Variants in NEGR1 observed in about 807,000 individuals in gnomAD.
NEGR1 encodes neuronal growth regulator 1, also known as IgLON family member 4.
In NEGR1, 10 loss-of-function variants were observed where a neutral mutation model predicts 40.9. The ratio of observed to expected loss-of-function variants is 0.24; its 90% CI spans 0.15 to 0.42. NEGR1 has a LOEUF of 0.42. Ranked by LOEUF, NEGR1 falls within the 10% of genes least tolerant of loss-of-function variation. The pLI is 1.00. For synonymous variants in NEGR1, 185 were observed against 166.8 expected, an observed-to-expected ratio of 1.11 and a Z score of -0.84; for missense variants, 352 against 438.9, an observed-to-expected ratio of 0.80 and a Z score of 1.77.
intron 1 of NEGR1, among the ~76,000 whole-genome samples, chr1:72,123,297 T>A (rs1441683193): frequency 6.6e-6 from 1 of 151,852 alleles, no homozygotes; most frequent in African/African-American, 2.4e-5. Flanking sequence ...TAGTAGATAA[T>A]CTTGACATTG....
chr1:72,229,772 A>T (rs1444745775), intron 1 of NEGR1, among the ~76,000 whole-genome samples: 5 of 152,160 alleles, frequency 3.3e-5, no homozygotes, highest in Admixed American at 1.3e-4. Flanking sequence ...CTCTGATTTC[A>T]AAGGTGTTCT....
intron 1 of NEGR1, among the ~76,000 whole-genome samples, chr1:71,993,350 G>T (rs1031647524): frequency 6.6e-6 from 1 of 152,118 alleles, no homozygotes; most frequent in Non-Finnish European, 1.5e-5. Flanking sequence ...ACTTAAGAGC[G>T]CCAACTTTTA....
In NEGR1 at chr1:71,836,673, A is replaced by T. The variant is rs148184551; in HGVS notation, c.410-60376T>A. ...ATTCCTATAAAAAAAACTCACTCTA[A>T]ACAAAATTACACTTATATTTTTGCC... On this transcript the variant is annotated intron_variant, in intron 2 of 6. Transcript: ENST00000357731. Among the ~76,000 whole-genome samples, 27 of 152,078 alleles carry T rather than the reference A, an allele frequency of 1.8e-4. 1 individual carries two copies. In the East Asian group the frequency reaches 5.2e-3, roughly 30 times the overall value.
At chr1:71,549,427 A>C (rs1004140916) in intron 6 of NEGR1, among the ~76,000 whole-genome samples, 2 of 151,716 alleles carry the variant, frequency 1.3e-5, no homozygotes, top group African/African-American at 2.4e-5. Context: ...CCCACGATCA[A>C]AATTGCTCAA....
chr1:71,463,853 C>T (rs558245816), intron 6 of NEGR1, among the ~76,000 whole-genome samples: 64 of 152,206 alleles, frequency 4.2e-4, no homozygotes, highest in African/African-American at 1.5e-3. Context: ...TTGTCTTAAA[C>T]TTCTAGGAAT....
chr1:71,796,689 A>G (rs1470910760), intron 2 of NEGR1, among the ~76,000 whole-genome samples: 1 of 152,168 alleles, frequency 6.6e-6, no homozygotes, highest in Admixed American at 6.5e-5. Flanking sequence ...GCAAATGCCT[A>G]TCATCTACAG....
At chr1:72,274,707 G>A (rs879152055) in intron 1 of NEGR1, 12 of 1,003,134 alleles carry the variant, frequency 1.2e-5, no homozygotes, top group Non-Finnish European at 1.9e-5. Flanking sequence ...AAATCATTGT[G>A]CAGAATGGAA....
chr1:72,212,682 A>T (rs1037787672), intron 1 of NEGR1, among the ~76,000 whole-genome samples: 2 of 152,016 alleles, frequency 1.3e-5, no homozygotes, highest in African/African-American at 4.8e-5. Context: ...CATGGAAACT[A>T]TGTGGAAGAT....
chr1:72,105,546 A>T (rs941385090), intron 1 of NEGR1, among the ~76,000 whole-genome samples: 1 of 151,320 alleles, frequency 6.6e-6, no homozygotes, highest in Non-Finnish European at 1.5e-5. Flanking sequence ...TCTCCACAGT[A>T]AATAAATAAA....
At chr1:71,871,425 C>G (rs979696812) in intron 2 of NEGR1, among the ~76,000 whole-genome samples, 7 of 152,074 alleles carry the variant, frequency 4.6e-5, no homozygotes, top group African/African-American at 1.7e-4. Context: ...TCTTATCACA[C>G]CATTTTAAAT....
At chr1:71,878,782 G>A (rs1019870252) in intron 2 of NEGR1, among the ~76,000 whole-genome samples, 6 of 151,724 alleles carry the variant, frequency 4.0e-5, no homozygotes, top group African/African-American at 1.5e-4. Flanking sequence ...ACTAGTGTGG[G>A]GACAATAAAA....
intron 2 of NEGR1, among the ~76,000 whole-genome samples, chr1:71,786,365 G>A (rs1656908117): frequency 6.6e-6 from 1 of 152,090 alleles, no homozygotes; most frequent in African/African-American, 2.4e-5. Flanking sequence ...AGCCTTGGCT[G>A]GAAATAAATA....
chr1:71,930,785 AAGG>A (rs1185457434), intron 2 of NEGR1, among the ~76,000 whole-genome samples: 1 of 152,144 alleles, frequency 6.6e-6, no homozygotes, highest in Non-Finnish European at 1.5e-5. Flanking sequence ...ACGGAAGAAG[AAGG>A]AGATGGGTTT....
intron 2 of NEGR1, among the ~76,000 whole-genome samples, chr1:71,780,053 A>C (rs1195941482): frequency 9.8e-5 from 2 of 20,314 alleles, no homozygotes; most frequent in Non-Finnish European, 6.2e-4. Flanking sequence ...AAAAAAAAAA[A>C]AAAAAAAAAA....
chr1:71,450,608 A>T (rs1259575105), intron 6 of NEGR1, among the ~76,000 whole-genome samples: 4 of 151,224 alleles, frequency 2.6e-5, no homozygotes, highest in Admixed American at 2.6e-4. Flanking sequence ...GGAGTTTGAG[A>T]CTAACCTGGC....
At chr1:72,238,597 C>T (rs1654637224) in intron 1 of NEGR1, among the ~76,000 whole-genome samples, 1 of 151,800 alleles carries the variant, frequency 6.6e-6, no homozygotes, top group African/African-American at 2.4e-5. Flanking sequence ...GTACCATCCT[C>T]CTGAGGCACC....
chr1:72,089,921 T>C (rs919338722), intron 1 of NEGR1, among the ~76,000 whole-genome samples: 3 of 152,078 alleles, frequency 2.0e-5, no homozygotes, highest in East Asian at 1.9e-4. Flanking sequence ...ATTTCTTAAA[T>C]AGAAAAATGA....
intron 6 of NEGR1, among the ~76,000 whole-genome samples, chr1:71,531,883 G>A (rs959625540): frequency 6.6e-6 from 1 of 150,976 alleles, no homozygotes; most frequent in Non-Finnish European, 1.5e-5. Context: ...GCAATTTAAA[G>A]CATTTTTGAT....
At chr1:71,674,449 C>G (rs571889488) in intron 4 of NEGR1, among the ~76,000 whole-genome samples, 1 of 152,264 alleles carries the variant, frequency 6.6e-6, no homozygotes, top group African/African-American at 2.4e-5. Flanking sequence ...ATTCCTTTCT[C>G]ATAAAAGATG....
Sources: allele counts gnomAD v4.1 joint callset (sites outside exome capture counted in the v4.1 genomes callset), GRCh38; gene constraint gnomAD v4.1.1; transcripts MANE v1.5; gene names NCBI Gene and HGNC (gene_info 2026-07-23, HGNC 2026-07-21).